Variants in BNC2 observed in about 807,000 individuals in gnomAD.
BNC2 encodes the protein basonuclin zinc finger protein 2.
BNC2 carries 20 observed loss-of-function variants against 76.3 expected under a neutral mutation model. The ratio of observed to expected loss-of-function variants is 0.26; its 90% CI spans 0.18 to 0.38. The LOEUF is 0.38. Ranked by LOEUF, BNC2 falls within the 10% of genes least tolerant of loss-of-function variation. The pLI, the probability that BNC2 is intolerant of heterozygous loss-of-function variation, is 1.00. For missense variants in BNC2, 1,382 were observed against 1,399.8 expected, an observed-to-expected ratio of 0.99 and a Z score of 0.20; for synonymous variants, 582 against 514.8, an observed-to-expected ratio of 1.13 and a Z score of -1.77.
chr9:16,756,043 G>A (rs10756807), intron 1 of BNC2, among the ~76,000 whole-genome samples: 98,512 of 152,034 alleles, frequency 0.65, 33,329 homozygotes, highest in Non-Finnish European at 0.75. Context: ...GATTAACTCA[G>A]GTGTCTCTCA....
intron 3 of BNC2, among the ~76,000 whole-genome samples, chr9:16,604,343 ATGTT>A (rs1297355634): frequency 6.6e-6 from 1 of 152,252 alleles, no homozygotes; most frequent in African/African-American, 2.4e-5. Flanking sequence ...CAGAACTGCT[ATGTT>A]TATTTTAGAA....
At chr9:16,518,424 CT>C (rs1479963460) in intron 5 of BNC2, among the ~76,000 whole-genome samples, 1 of 151,982 alleles carries the variant, frequency 6.6e-6, no homozygotes, top group African/African-American at 2.4e-5. Flanking sequence ...GAAACCATAT[CT>C]TTAAAAATAA....
chr9:16,671,408 A>G (rs944051560), intron 3 of BNC2, among the ~76,000 whole-genome samples: 17 of 152,332 alleles, frequency 1.1e-4, no homozygotes, highest in African/African-American at 4.1e-4. Context: ...AAGGCTGGAG[A>G]ACACATCTAG....
chr9:16,796,572 A>AG (rs1458594388), intron 1 of BNC2, among the ~76,000 whole-genome samples: 6 of 9,190 alleles, frequency 6.5e-4, no homozygotes, highest in Non-Finnish European at 4.1e-3. Flanking sequence ...ACTCCGTCTC[A>AG]AAAAAAAAAG....
rs948599828 is a variant in BNC2 at position 16,703,040 on chromosome 9, G to C, written c.330+24757C>G. 2.0e-5 allele frequency among the ~76,000 whole-genome samples: 3 copies of C among 152,152 alleles called. No individual in the cohort carries two copies. In the East Asian group the frequency reaches 5.8e-4, roughly 29 times the overall value. On this transcript the variant is annotated intron_variant, in intron 3 of 6. Transcript: ENST00000380672. Reference sequence around the variant, plus strand: ...TAAGAAAATTTTACTTTTATGCGGAGAAGATTCCTAAATCAGCTGAAATTT... The same window carrying C: ...TAAGAAAATTTTACTTTTATGCGGACAAGATTCCTAAATCAGCTGAAATTT...
At chr9:16,498,244 T>TATATATATATTCCATC (rs1006656943) in intron 5 of BNC2, among the ~76,000 whole-genome samples, 1 of 104,386 alleles carries the variant, frequency 9.6e-6, no homozygotes, top group Non-Finnish European at 2.3e-5. Flanking sequence ...TTCCATCATA[T>TATATATATATTCCATC]ATATATATAT....
At chr9:16,532,897 G>T (rs1183432233) in intron 5 of BNC2, among the ~76,000 whole-genome samples, 1 of 152,198 alleles carries the variant, frequency 6.6e-6, no homozygotes, top group African/African-American at 2.4e-5. Flanking sequence ...ATTTTCACCA[G>T]AGAAATCAGC....
At chr9:16,467,814 C>A in intron 5 of BNC2, among the ~76,000 whole-genome samples, 1 of 143,046 alleles carries the variant, frequency 7.0e-6, no homozygotes, top group African/African-American at 2.7e-5. Flanking sequence ...CACATGTACC[C>A]TAAAACTTAG....
At chr9:16,807,957 G>A (rs1434322229) in intron 1 of BNC2, among the ~76,000 whole-genome samples, 2 of 152,070 alleles carry the variant, frequency 1.3e-5, no homozygotes, top group East Asian at 3.9e-4. Flanking sequence ...CTACCTATGT[G>A]GCAGTCAGAC....
At chr9:16,475,397 G>T (rs544707328) in intron 5 of BNC2, among the ~76,000 whole-genome samples, 2 of 152,096 alleles carry the variant, frequency 1.3e-5, no homozygotes, top group Non-Finnish European at 1.5e-5. Flanking sequence ...CAAAGAAAAA[G>T]CTAATGGGCT....
At position 16,410,731 on chromosome 9, in the gene BNC2, G is replaced by A. The variant is rs773390513; in HGVS notation, c.*8258C>T. ...GATTTATTTTTTAAGGGGGGTTGGT[G>A]AGATCCGAAGAGCAAAGGGTGGGAT... On this transcript the variant is annotated 3_prime_UTR_variant, in exon 7 of 7. Transcript: ENST00000380672. The A allele has an allele frequency of 2.0e-5, 3 of 152,230 alleles. No homozygotes were observed. The highest frequency in any genetic ancestry group is 1.5e-5 in the Non-Finnish European group (1 of 68,046). The allele number at this position is 152,230 out of a possible 1,614,324, so 9.4% of individuals were successfully genotyped here.
At chr9:16,495,500 G>A (rs189202333) in intron 5 of BNC2, among the ~76,000 whole-genome samples, 55 of 152,264 alleles carry the variant, frequency 3.6e-4, no homozygotes, top group East Asian at 3.1e-3. Context: ...CAGTGCTTGC[G>A]TTCTGGCTAG....
intron 5 of BNC2, among the ~76,000 whole-genome samples, chr9:16,467,490 T>C (rs1295048037): frequency 4.0e-5 from 5 of 126,420 alleles, no homozygotes; most frequent in African/African-American, 6.3e-5. Flanking sequence ...CACCATGGAA[T>C]ACTATGCAGC....
chr9:16,563,740 G>A (rs1007621928), intron 4 of BNC2, among the ~76,000 whole-genome samples: 3 of 152,160 alleles, frequency 2.0e-5, no homozygotes, highest in African/African-American at 7.2e-5. Flanking sequence ...GACTAGAACT[G>A]ATAGTGTACC....
Position 16,437,278 on chromosome 9 carries a change from G to T in BNC2, c.916C>A (p.Pro306Thr), listed in dbSNP as rs114964332. ...SLLAHLENSN[P>T]SSIHHFENIP... is the part of the protein sequence containing the mutation. ...TTTTCGAAGTGATGAATGCTGGAAG[G>T]ATTGCTGTTCTCTAAGTGAGCAAGG... Residue 306 changes from proline (P) to threonine (T), a missense_variant, in exon 6 of 7, where the codon CCT becomes ACT. Pro to Thr is a conservative substitution (Grantham distance 38). Coordinates refer to ENST00000380672, the MANE Select transcript of BNC2 (RefSeq NM_017637.6). 2 of 1,614,032 alleles carry T rather than the reference G, an allele frequency of 1.2e-6. No individual in the cohort carries two copies. Among genetic ancestry groups the T allele is most frequent in the African/African-American group, 2.7e-5 (2 of 74,910 alleles).
intron 5 of BNC2, among the ~76,000 whole-genome samples, chr9:16,527,802 C>CAACT (rs1044457190): frequency 6.6e-6 from 1 of 152,214 alleles, no homozygotes; most frequent in Admixed American, 6.5e-5. Flanking sequence ...CAAGCACGAA[C>CAACT]AACTGCCTGT....
intron 2 of BNC2, among the ~76,000 whole-genome samples, chr9:16,736,575 A>C (rs1824677714): frequency 6.6e-6 from 1 of 151,220 alleles, no homozygotes; most frequent in Non-Finnish European, 1.5e-5. Flanking sequence ...TCCCAGGTTC[A>C]AGCGATTCTT....
intron 5 of BNC2, among the ~76,000 whole-genome samples, chr9:16,508,703 C>A (rs16934753): frequency 0.031 from 4,751 of 152,256 alleles, 254 homozygotes; most frequent in African/African-American, 0.11. Flanking sequence ...ACTATGCTAG[C>A]CCCCACAAAG....
At chr9:16,754,728 T>A (rs1192065450) in intron 1 of BNC2, among the ~76,000 whole-genome samples, 1 of 152,102 alleles carries the variant, frequency 6.6e-6, no homozygotes, top group Admixed American at 6.5e-5. Context: ...CAGCTAATAT[T>A]TGTAATTTCA....
Sources: allele counts gnomAD v4.1 joint callset (sites outside exome capture counted in the v4.1 genomes callset), GRCh38; gene constraint gnomAD v4.1.1; transcripts MANE v1.5; gene names NCBI Gene and HGNC (gene_info 2026-07-23, HGNC 2026-07-21).